RGS7: variants seen among roughly 807,000 people sequenced by gnomAD.
The protein encoded by RGS7 is regulator of G-protein signaling 7.
Under a neutral mutation model 81.1 loss-of-function variants are expected in RGS7, and 27 were observed. The ratio of observed to expected loss-of-function variants is 0.33; its 90% confidence interval spans 0.25 to 0.46. The LOEUF (loss-of-function observed/expected upper bound fraction) is 0.46, where lower values mean the gene tolerates loss of function less well. RGS7 is among the 20% of genes least tolerant of loss of function. RGS7 has a pLI of 1.00. For synonymous variants in RGS7, 208 were observed against 207.7 expected (o/e 1.00, Z -0.01); for missense variants, 396 against 607.4 (o/e 0.65, Z 3.66).
At chr1:240,915,985 C>G (rs1672536185) in intron 6 of RGS7, among the ~76,000 whole-genome samples, 1 of 151,502 alleles carries the variant, frequency 6.6e-6, no homozygotes, top group Non-Finnish European at 1.5e-5. Context: ...CAGGAAATGT[C>G]AGGCGCAGTG....
At chr1:241,217,231 T>C (rs531163435) in intron 2 of RGS7, among the ~76,000 whole-genome samples, 5 of 152,220 alleles carry the variant, frequency 3.3e-5, no homozygotes, top group African/African-American at 7.2e-5. Flanking sequence ...TGTGAGGATA[T>C]AGTGAGCAGG....
intron 4 of RGS7, 36 bp from the exon 5 acceptor site, chr1:240,936,742 C>G (rs1218261178): frequency 2.0e-6 from 3 of 1,488,182 alleles, no homozygotes; most frequent in Non-Finnish European, 1.9e-6. Context: ...CATAAAAAAG[C>G]CTTTTAAATG....
Position 241,098,778 on chromosome 1 carries a change from A to G in RGS7, c.79-16T>C, listed in dbSNP as rs768259944. 6.4e-7 allele frequency: 1 copy of G among 1,568,338 alleles called. No homozygotes were observed. ...CGTCTTCCATCTAAACAATAATAAC[A>G]TAATTAAAACCTTTATAAAGTTGAA... is the stretch of plus-strand genomic sequence containing the variant. On this transcript the variant is annotated splice_polypyrimidine_tract_variant and intron_variant, in intron 2 of 18. Transcript: ENST00000440928.
chr1:241,198,663 T>C (rs1357212901), intron 2 of RGS7, among the ~76,000 whole-genome samples: 1 of 152,198 alleles, frequency 6.6e-6, no homozygotes, highest in Non-Finnish European at 1.5e-5. Context: ...TATTTCTATA[T>C]TTGTGAAAGA....
intron 2 of RGS7, among the ~76,000 whole-genome samples, chr1:241,302,090 T>G (rs991008194): frequency 2.0e-5 from 3 of 151,960 alleles, no homozygotes; most frequent in African/African-American, 7.3e-5. Flanking sequence ...TTGAAGAAAG[T>G]GAGGAAGTAA....
intron 6 of RGS7, among the ~76,000 whole-genome samples, chr1:240,913,592 C>T (rs1029347016): frequency 6.6e-6 from 1 of 152,050 alleles, no homozygotes; most frequent in Admixed American, 6.6e-5. Context: ...TTCGTTTTTG[C>T]TAAAATGGGT....
chr1:241,308,299 G>A (rs1004108504), intron 2 of RGS7, among the ~76,000 whole-genome samples: 1 of 152,162 alleles, frequency 6.6e-6, no homozygotes, highest in Non-Finnish European at 1.5e-5. Context: ...TCATGATTAC[G>A]TTTTGGTATT....
At chr1:241,017,262 T>C (rs894135721) in intron 3 of RGS7, among the ~76,000 whole-genome samples, 3 of 152,182 alleles carry the variant, frequency 2.0e-5, no homozygotes, top group South Asian at 4.2e-4. Context: ...GTCAACACGG[T>C]GAAACCCCGT....
chr1:241,226,275 T>C (rs2075303587), intron 2 of RGS7, among the ~76,000 whole-genome samples: 1 of 152,208 alleles, frequency 6.6e-6, no homozygotes, highest in Non-Finnish European at 1.5e-5. Context: ...TTTTCCAAAA[T>C]GTGCAAAACA....
intron 3 of RGS7, among the ~76,000 whole-genome samples, chr1:241,038,493 A>G (rs2060444587): frequency 2.0e-5 from 3 of 152,218 alleles, no homozygotes; most frequent in Non-Finnish European, 4.4e-5. Flanking sequence ...AGCAGATTTG[A>G]CAAGTATAGT....
At chr1:240,901,511 G>T (rs1325919793) in intron 6 of RGS7, among the ~76,000 whole-genome samples, 2 of 152,184 alleles carry the variant, frequency 1.3e-5, no homozygotes, top group African/African-American at 4.8e-5. Context: ...TATTCCAAGG[G>T]CTCGAAAGCC....
chr1:241,045,039 C>T (rs1235863109), intron 3 of RGS7, among the ~76,000 whole-genome samples: 2 of 152,146 alleles, frequency 1.3e-5, no homozygotes, highest in African/African-American at 2.4e-5. Context: ...TCCATGATGG[C>T]AATTACTTTC....
chr1:240,920,829 T>C (rs548552383), intron 6 of RGS7, among the ~76,000 whole-genome samples: 1 of 152,258 alleles, frequency 6.6e-6, no homozygotes, highest in Non-Finnish European at 1.5e-5. Flanking sequence ...TTCTGTTCTG[T>C]GGAAAGTGTA....
chr1:241,012,216 C>A (rs570649307), intron 3 of RGS7, among the ~76,000 whole-genome samples: 2 of 152,180 alleles, frequency 1.3e-5, no homozygotes, highest in East Asian at 3.9e-4. Flanking sequence ...GCAAATAGGG[C>A]AGAGGGCAAC....
In RGS7 at chr1:241,144,147, C is replaced by CATAT. The variant is rs201027327; in HGVS notation, c.79-45389_79-45386dup. Among the ~76,000 whole-genome samples the CATAT allele has an allele frequency of 2.8e-3, 416 of 149,832 alleles. 10 individuals carry two copies. The East Asian group carries it at 0.059, about 21-fold the overall frequency. On this transcript the variant is annotated intron_variant, in intron 2 of 18. Transcript: ENST00000440928. The surrounding 1 kb of genome is among the most constrained non-coding windows in gnomAD (Gnocchi z 4.7). ...AATCTAGCTTTTCTAGTTTGTTCTT[C>CATAT]ATATATATATATATATGAGCATTTT...
chr1:240,981,164 C>T (rs1226324933), intron 4 of RGS7, among the ~76,000 whole-genome samples: 1 of 152,088 alleles, frequency 6.6e-6, no homozygotes, highest in Non-Finnish European at 1.5e-5. Flanking sequence ...GGCTGGAGTG[C>T]AGTGGTGTGA....
chr1:241,298,667 A>C (rs2079560041), intron 2 of RGS7, among the ~76,000 whole-genome samples: 1 of 152,216 alleles, frequency 6.6e-6, no homozygotes, highest in South Asian at 2.1e-4. Context: ...TGGAGCCTAC[A>C]GAGTAGACCA....
intron 3 of RGS7, among the ~76,000 whole-genome samples, chr1:240,994,534 T>C (rs992521970): frequency 1.3e-5 from 2 of 152,182 alleles, no homozygotes; most frequent in South Asian, 4.1e-4. Flanking sequence ...GTAATCTTTC[T>C]GGACTCGATT....
chr1:240,992,857 AAAAAAAT>A (rs1293391540), intron 3 of RGS7, among the ~76,000 whole-genome samples: 2 of 148,240 alleles, frequency 1.3e-5, no homozygotes, highest in Non-Finnish European at 3.0e-5. Flanking sequence ...ACAAAAAAAA[AAAAAAAT>A]ATTAGCCGGG....
Sources: gnomAD v4.1 joint callset for allele counts (sites outside exome capture counted in the v4.1 genomes callset) on GRCh38, gnomAD v4.1.1 for gene constraint, Gnocchi (gnomAD v3.1) non-coding constraint, MANE v1.5 for transcripts, NCBI Gene and HGNC (gene_info 2026-07-23, HGNC 2026-07-21) for gene names.